CSMD1: variants seen among roughly 807,000 people sequenced by gnomAD.
CSMD1 encodes CUB and sushi domain-containing protein 1.
Under a neutral mutation model 417.5 loss-of-function variants are expected in CSMD1, and 213 were observed. That is an observed-to-expected ratio of 0.51 (90% confidence interval 0.46 to 0.57). CSMD1 has a LOEUF of 0.57. Ranked by LOEUF, CSMD1 falls within the 20% of genes least tolerant of loss-of-function variation. The probability of loss-of-function intolerance (pLI) is 0.00; values close to 1 mark genes in which losing one functional copy is unlikely to be tolerated. For synonymous variants in CSMD1, 2,862 were observed against 1,736.8 expected (o/e 1.65, Z -16.11); for missense variants, 6,923 against 4,529.7 (o/e 1.53, Z -15.17).
chr8:4,305,282 T>G (rs549207604), intron 3 of CSMD1, among the ~76,000 whole-genome samples: 2 of 152,308 alleles, frequency 1.3e-5, no homozygotes, highest in South Asian at 4.1e-4. Flanking sequence ...GGAACTGAGC[T>G]GCATCAGCCT....
intron 11 of CSMD1, among the ~76,000 whole-genome samples, chr8:3,481,057 G>C (rs974381434): frequency 6.6e-6 from 1 of 150,524 alleles, no homozygotes; most frequent in Non-Finnish European, 1.5e-5. Context: ...TAGGGAGGCT[G>C]AGGCAGGAGA....
At chr8:4,506,023 C>T (rs879749548) in intron 2 of CSMD1, among the ~76,000 whole-genome samples, 4 of 152,024 alleles carry the variant, frequency 2.6e-5, no homozygotes, top group Admixed American at 1.3e-4. Context: ...GTCTCAAACT[C>T]TGCCCCAAAC....
chr8:4,054,939 T>G (rs1798614809), intron 3 of CSMD1, among the ~76,000 whole-genome samples: 1 of 152,132 alleles, frequency 6.6e-6, no homozygotes, highest in Non-Finnish European at 1.5e-5. Context: ...ATCAATAAAG[T>G]ACAAAGAGAC....
chr8:4,083,781 G>C (rs564620309), intron 3 of CSMD1, among the ~76,000 whole-genome samples: 2 of 152,152 alleles, frequency 1.3e-5, no homozygotes, highest in African/African-American at 2.4e-5. Flanking sequence ...ATAGGCATGG[G>C]CAAGGACTTC....
At chr8:4,175,422 A>T (rs1375273794) in intron 3 of CSMD1, among the ~76,000 whole-genome samples, 1 of 152,022 alleles carries the variant, frequency 6.6e-6, no homozygotes, top group Non-Finnish European at 1.5e-5. Context: ...TGTTCAACGG[A>T]ATATGTTTAA....
intron 1 of CSMD1, among the ~76,000 whole-genome samples, chr8:4,663,070 C>T (rs547482327): frequency 2.6e-5 from 4 of 152,144 alleles, no homozygotes; most frequent in Non-Finnish European, 5.9e-5. Context: ...TGGAGAGAGT[C>T]AAGTAAGCCA....
intron 54 of CSMD1, among the ~76,000 whole-genome samples, chr8:2,982,260 G>T (rs1281749608): frequency 1.3e-5 from 2 of 152,268 alleles, no homozygotes; most frequent in East Asian, 1.9e-4. Context: ...GGAGGCTGAG[G>T]CAGGAGAATT....
chr8:3,281,057 G>A (rs113861367), intron 26 of CSMD1, among the ~76,000 whole-genome samples: 82 of 152,216 alleles, frequency 5.4e-4, no homozygotes, highest in African/African-American at 1.7e-3. Context: ...GAAAACTTAC[G>A]TCCACACAAA....
chr8:4,619,710 C>T (rs1801663064), intron 2 of CSMD1, among the ~76,000 whole-genome samples: 2 of 152,036 alleles, frequency 1.3e-5, no homozygotes, highest in African/African-American at 4.8e-5. Context: ...CTATTGTTGA[C>T]CTGATTTAAT....
intron 5 of CSMD1, among the ~76,000 whole-genome samples, chr8:3,776,948 A>G (rs1439127482): frequency 6.6e-6 from 1 of 151,836 alleles, no homozygotes; most frequent in African/African-American, 2.4e-5. Context: ...TCTTGATCTC[A>G]AGTGATTCTC....
intron 12 of CSMD1, among the ~76,000 whole-genome samples, chr8:3,415,313 A>C (rs1326186473): frequency 6.6e-6 from 1 of 152,202 alleles, no homozygotes; most frequent in East Asian, 1.9e-4. Flanking sequence ...ATTATTATTA[A>C]CCATAGTACC....
chr8:4,158,457 T>A (rs1796960639), intron 3 of CSMD1, among the ~76,000 whole-genome samples: 1 of 152,004 alleles, frequency 6.6e-6, no homozygotes, highest in Non-Finnish European at 1.5e-5. Flanking sequence ...GAAACAGTAA[T>A]ACTAATACAG....
At chr8:3,986,657 T>C (rs528671754) in intron 5 of CSMD1, among the ~76,000 whole-genome samples, 5 of 152,088 alleles carry the variant, frequency 3.3e-5, no homozygotes, top group Non-Finnish European at 5.9e-5. Flanking sequence ...CCTTATACCA[T>C]GAGATATGAG....
intron 61 of CSMD1, among the ~76,000 whole-genome samples, chr8:2,961,891 A>C (rs1309500776): frequency 6.6e-6 from 1 of 152,222 alleles, no homozygotes; most frequent in Admixed American, 6.5e-5. Flanking sequence ...AAATCAAATG[A>C]CAGCAAATAT....
rs1243240367 is a variant in CSMD1 at position 3,930,038 on chromosome 8, G to C, written c.818+67865C>G. 1.3e-5 allele frequency among the ~76,000 whole-genome samples: 2 copies of C among 150,228 alleles called. 1 individual carries two copies. The highest frequency in any genetic ancestry group is 3.0e-5 in the Non-Finnish European group (2 of 67,474). On this transcript the variant is annotated intron_variant, in intron 5 of 69. Transcript: ENST00000635120. Reference sequence around the variant, plus strand: ...TTCTTCTTACACTGGTTTATATAAAGATGTCTCTGAGAGGGGGTATGTGTT... The same window carrying C: ...TTCTTCTTACACTGGTTTATATAAACATGTCTCTGAGAGGGGGTATGTGTT...
chr8:4,617,626 A>C (rs1801545012), intron 2 of CSMD1, among the ~76,000 whole-genome samples: 2 of 152,190 alleles, frequency 1.3e-5, no homozygotes, highest in African/African-American at 4.8e-5. Flanking sequence ...CTCACTGGAA[A>C]TACTCTTCCC....
intron 3 of CSMD1, among the ~76,000 whole-genome samples, chr8:4,212,751 CTTTT>C (rs5889027): frequency 2.7e-3 from 264 of 99,212 alleles, no homozygotes; most frequent in East Asian, 0.016. Context: ...CGGCCTTATT[CTTTT>C]TTTTTTTTTT....
intron 7 of CSMD1, among the ~76,000 whole-genome samples, chr8:3,675,678 T>A (rs866105733): frequency 6.6e-6 from 1 of 152,162 alleles, no homozygotes; most frequent in South Asian, 2.1e-4. Flanking sequence ...GAAGATGCCA[T>A]CTGCAAACCA....
chr8:4,893,453 G>C (rs1224394750), intron 1 of CSMD1, among the ~76,000 whole-genome samples: 2 of 151,846 alleles, frequency 1.3e-5, no homozygotes, highest in Non-Finnish European at 2.9e-5. Context: ...TATGTCTTCA[G>C]GGTTTATTTG....
Sources: gnomAD v4.1 joint callset for allele counts (sites outside exome capture counted in the v4.1 genomes callset) on GRCh38, gnomAD v4.1.1 for gene constraint, MANE v1.5 for transcripts, NCBI Gene and HGNC (gene_info 2026-07-23, HGNC 2026-07-21) for gene names.